Variants in MYO10 observed in about 807,000 individuals in gnomAD.
The protein encoded by MYO10 is myosin X.
In MYO10, 133 loss-of-function variants were observed where a neutral mutation model predicts 257.3. The observed-to-expected ratio is 0.52, with a 90% CI of 0.45 to 0.60. MYO10 has a LOEUF of 0.60. Among genes scored for constraint, MYO10 ranks in the 20% least tolerant of loss-of-function variants. The pLI is 0.00. For missense variants in MYO10, 2,399 were observed against 2,635.7 expected (o/e 0.91, Z 1.97); for synonymous variants, 1,104 against 1,028.6 (o/e 1.07, Z -1.40).
At chr5:16,874,998 C>G (rs560899980) in intron 2 of MYO10, among the ~76,000 whole-genome samples, 34 of 152,222 alleles carry the variant, frequency 2.2e-4, no homozygotes, top group African/African-American at 7.9e-4. Context: ...AAAGCGGAAA[C>G]CCCTGATAAA....
intron 19 of MYO10, among the ~76,000 whole-genome samples, chr5:16,713,164 C>T (rs949799908): frequency 5.3e-5 from 8 of 152,262 alleles, no homozygotes; most frequent in African/African-American, 1.9e-4. Flanking sequence ...GACTTTCATC[C>T]AAAATATCTC....
At chr5:16,849,392 G>A (rs1743733773) in intron 2 of MYO10, among the ~76,000 whole-genome samples, 1 of 150,560 alleles carries the variant, frequency 6.6e-6, no homozygotes, top group Non-Finnish European at 1.5e-5. Flanking sequence ...TTTACTAATG[G>A]TAGAGTTTGT....
Position 16,798,141 on chromosome 5 carries a change from C to T in MYO10, c.280-3308G>A, listed in dbSNP as rs930038527. The stretch of plus-strand genomic sequence containing the variant: ...GCAAGAGGGTCCCACCAGATGCCAG[C>T]GCCATGCTCTTGGACTGGCCAGTCT... On this transcript the variant is annotated intron_variant, in intron 3 of 40. Coordinates refer to ENST00000513610, the MANE Select transcript of MYO10 (RefSeq NM_012334.3). Among the ~76,000 whole-genome samples, 6 of 152,288 alleles carry T rather than the reference C, an allele frequency of 3.9e-5. No homozygotes were observed. The South Asian group carries it at 6.2e-4, about 16-fold the overall frequency.
chr5:16,697,697 C>CAAA (rs57222789), intron 26 of MYO10, among the ~76,000 whole-genome samples: 1 of 133,658 alleles, frequency 7.5e-6, no homozygotes. Context: ...GATCCTGTCT[C>CAAA]AAAAAAAAAA....
chr5:16,911,733 G>A (rs115099943), intron 1 of MYO10, among the ~76,000 whole-genome samples: 2,457 of 152,032 alleles, frequency 0.016, 54 homozygotes, highest in African/African-American at 0.046. Flanking sequence ...TCCTGTCTTA[G>A]ACCAACAACA....
At chr5:16,864,810 G>A (rs1463031448) in intron 2 of MYO10, among the ~76,000 whole-genome samples, 1 of 152,182 alleles carries the variant, frequency 6.6e-6, no homozygotes, top group Non-Finnish European at 1.5e-5. Context: ...ATTCTTGGAA[G>A]AGGTCTAGGG....
intron 2 of MYO10, among the ~76,000 whole-genome samples, chr5:16,840,404 T>TC (rs1743440936): frequency 6.9e-6 from 1 of 144,218 alleles, no homozygotes; most frequent in Non-Finnish European, 1.5e-5. Context: ...AGAGCGACAC[T>TC]CCATCTCTGA....
At chr5:16,788,809 C>T (rs1057108131) in intron 4 of MYO10, among the ~76,000 whole-genome samples, 8 of 151,886 alleles carry the variant, frequency 5.3e-5, no homozygotes, top group Non-Finnish European at 7.4e-5. Context: ...CTTGCTGAGA[C>T]GAAGGAGTAG....
At chr5:16,823,894 T>C (rs1447289185) in intron 2 of MYO10, among the ~76,000 whole-genome samples, 2 of 152,112 alleles carry the variant, frequency 1.3e-5, no homozygotes, top group Admixed American at 6.6e-5. Context: ...GTTACTTTAA[T>C]GGAGCATAAA....
chr5:16,792,188 C>T (rs1352183473), intron 4 of MYO10, among the ~76,000 whole-genome samples: 3 of 145,560 alleles, frequency 2.1e-5, no homozygotes, highest in African/African-American at 7.7e-5. Context: ...CAGACAGAGA[C>T]AGAGACAGAA....
chr5:16,894,406 C>T (rs1396952888), intron 1 of MYO10, among the ~76,000 whole-genome samples: 1 of 152,126 alleles, frequency 6.6e-6, no homozygotes, highest in East Asian at 1.9e-4. Context: ...GGGGCCAAAC[C>T]GCCTGGACAG....
intron 1 of MYO10, among the ~76,000 whole-genome samples, chr5:16,886,271 G>A (rs918097330): frequency 3.9e-5 from 6 of 152,196 alleles, no homozygotes; most frequent in East Asian, 1.9e-4. Context: ...GAAACTTGGT[G>A]AGCACATAGT....
At chr5:16,822,386 T>A (rs1686193013) in intron 2 of MYO10, among the ~76,000 whole-genome samples, 1 of 152,154 alleles carries the variant, frequency 6.6e-6, no homozygotes, top group Admixed American at 6.5e-5. Flanking sequence ...GCACTGGGGA[T>A]CGAGCTTACA....
chr5:16,899,507 T>G (rs2560847), intron 1 of MYO10, among the ~76,000 whole-genome samples: 72,789 of 151,000 alleles, frequency 0.48, 17,589 homozygotes, highest in Admixed American at 0.55. Context: ...CGTTGTGGCG[T>G]GTGCCTGTAA....
intron 19 of MYO10, among the ~76,000 whole-genome samples, chr5:16,753,418 C>T (rs1214824390): frequency 6.6e-6 from 1 of 151,016 alleles, no homozygotes; most frequent in African/African-American, 2.4e-5. Context: ...CCACCCGCCT[C>T]GGCCTCCCAA....
chr5:16,731,334 C>A (rs921702600), intron 19 of MYO10, among the ~76,000 whole-genome samples: 1 of 151,234 alleles, frequency 6.6e-6, no homozygotes, highest in Non-Finnish European at 1.5e-5. Context: ...TGAGCCACCA[C>A]GCCCAGTTTT....
At chr5:16,888,771 TAAATA>T (rs1744962777) in intron 1 of MYO10, among the ~76,000 whole-genome samples, 1 of 151,348 alleles carries the variant, frequency 6.6e-6, no homozygotes, top group Admixed American at 6.6e-5. Context: ...AAATTTGAAT[TAAATA>T]AAATAGTTCT....
intron 19 of MYO10, among the ~76,000 whole-genome samples, chr5:16,712,156 G>A (rs542866626): frequency 2.4e-4 from 37 of 152,146 alleles, no homozygotes; most frequent in African/African-American, 6.5e-4. Context: ...CACGCTAGCC[G>A]GTTTGGAAGA....
intron 2 of MYO10, among the ~76,000 whole-genome samples, chr5:16,832,104 G>A (rs1896635): frequency 0.69 from 104,858 of 151,972 alleles, 36,666 homozygotes; most frequent in East Asian, 0.83. Context: ...ATGCCACCAC[G>A]CCCTGCTAAT....
Sources: gnomAD v4.1 joint callset for allele counts (sites outside exome capture counted in the v4.1 genomes callset) on GRCh38, gnomAD v4.1.1 for gene constraint, MANE v1.5 for transcripts, NCBI Gene and HGNC (gene_info 2026-07-23, HGNC 2026-07-21) for gene names.